Variants in UBN2 observed in about 807,000 individuals in gnomAD.
UBN2 encodes the protein ubinuclein-2.
Under a neutral mutation model 120.2 loss-of-function variants are expected in UBN2, and 35 were observed. That is an observed-to-expected ratio of 0.29 (90% CI 0.22 to 0.39). The LOEUF (loss-of-function observed/expected upper bound fraction) is 0.39. Among genes scored for constraint, UBN2 ranks in the 10% least tolerant of loss-of-function variants. The pLI is 1.00. For missense variants in UBN2, 1,693 were observed against 1,663.2 expected, an observed-to-expected ratio of 1.02 and a Z score of -0.31; for synonymous variants, 661 against 648.7, an observed-to-expected ratio of 1.02 and a Z score of -0.29.
intron 6 of UBN2, among the ~76,000 whole-genome samples, chr7:139,263,646 C>T (rs924217117): frequency 2.0e-5 from 3 of 151,458 alleles, no homozygotes; most frequent in Admixed American, 1.3e-4. Flanking sequence ...TGGTGGCAGG[C>T]GCCTGTAATC....
intron 2 of UBN2, among the ~76,000 whole-genome samples, chr7:139,243,916 G>A (rs1035329194): frequency 3.9e-5 from 6 of 152,208 alleles, no homozygotes; most frequent in African/African-American, 1.4e-4. Flanking sequence ...CCCACAGTGG[G>A]ACTGGAAAGT....
intron 15 of UBN2, among the ~76,000 whole-genome samples, chr7:139,286,625 TATTTC>T (rs1041182707): frequency 1.2e-4 from 18 of 152,226 alleles, no homozygotes; most frequent in African/African-American, 4.3e-4. Context: ...TTTTGTATAA[TATTTC>T]GTTTTATAAC....
rs1288705293 is a variant in UBN2, at chr7:139,231,792, C to T, written c.308C>T (p.Pro103Leu). 9.3e-6 allele frequency: 13 copies of T among 1,403,348 alleles called. No individual in the cohort carries two copies. The highest frequency in any genetic ancestry group is 1.2e-5 in the Non-Finnish European group (13 of 1,077,680). The allele number at this position is 1,403,348 out of a possible 1,614,324, so 86.9% of individuals were successfully genotyped here. ...PEPPPPFPPL[P>L]LQPPPPRESA... ...CCGCCGCCGCCGTTCCCGCCGCTGCCCTTGCAGCCGCCCCCGCCGCGGGAG... is the reference window on the plus strand; with the variant it reads ...CCGCCGCCGCCGTTCCCGCCGCTGCTCTTGCAGCCGCCCCCGCCGCGGGAG... Residue 103 changes from proline (P) to leucine (L), a missense_variant, in exon 1 of 18, where the codon CCC (proline) becomes CTC (leucine). Transcript: ENST00000473989.
chr7:139,232,296 T>G (rs1409761034), intron 1 of UBN2, among the ~76,000 whole-genome samples: 1 of 152,256 alleles, frequency 6.6e-6, no homozygotes, highest in Admixed American at 6.5e-5. Flanking sequence ...GCAGGCCGTG[T>G]GGCTGGGTTC....
rs1182183862 is a variant in UBN2 at position 139,299,740 on chromosome 7, G to A, written c.*1904G>A. 1 of 152,138 alleles carries A rather than the reference G, an allele frequency of 6.6e-6. No individual in the cohort carries two copies. Among genetic ancestry groups the A allele is most frequent in the Non-Finnish European group, 1.5e-5 (1 of 68,010 alleles). 9.4% of individuals were successfully genotyped at this position (152,138 alleles called of 1,614,324 possible). ...GGTTTGACTTGAATTCAGTATGTTT[G>A]ATGAAGATTTGCTTGGTTTCAATTA... On this transcript the variant is annotated 3_prime_UTR_variant, in exon 18 of 18. Coordinates refer to ENST00000473989, the MANE Select transcript of UBN2 (RefSeq NM_173569.4).
chr7:139,293,636 G>A (rs1005862293), intron 16 of UBN2, 173 bp downstream of exon 16: 2 of 652,036 alleles, frequency 3.1e-6, no homozygotes, highest in South Asian at 2.1e-5. Flanking sequence ...GGACACTGGG[G>A]TTTTATATAC....
At chr7:139,253,877 C>G (rs913050644) in intron 3 of UBN2, among the ~76,000 whole-genome samples, 1 of 152,140 alleles carries the variant, frequency 6.6e-6, no homozygotes, top group African/African-American at 2.4e-5. Context: ...TATATTATGT[C>G]TTTTTTCCTG....
In UBN2 at chr7:139,266,376, C is replaced by T; in HGVS notation, c.1439C>T (p.Thr480Ile). 1.3e-6 allele frequency: 2 copies of T among 1,570,718 alleles called. No homozygotes were observed. Among genetic ancestry groups the T allele is most frequent in the Non-Finnish European group, 1.7e-6 (2 of 1,150,274 alleles). Reference sequence around the variant, plus strand: ...GAAGAAGGAAGGAAAAAATTCTTTACACAGGATATGAATAATATTCTTCTG... The same window carrying T: ...GAAGAAGGAAGGAAAAAATTCTTTATACAGGATATGAATAATATTCTTCTG... ...FDEEGRKKFF[T>I]QDMNNILLDI... The change falls in exon 7 of 18, where the codon ACA (threonine) becomes ATA (isoleucine). Residue 480 changes from threonine to isoleucine, a missense_variant. Physicochemically the swap from Thr to Ile is moderately conservative, Grantham distance 89. Transcript: ENST00000473989.
Position 139,285,614 on chromosome 7 carries a change from A to T in UBN2, c.3669+1040A>T, listed in dbSNP as rs192636752. Among the ~76,000 whole-genome samples, 615 of 152,312 alleles carry T rather than the reference A, an allele frequency of 4.0e-3. 2 individuals carry two copies. The highest frequency in any genetic ancestry group is 7.2e-3 in the Non-Finnish European group (492 of 68,024). ...TTGTCATTAATTGTATACCTAGAAC[A>T]TAGTAATAGCTTTCCATCTCAGAAC... On this transcript the variant is annotated intron_variant, in intron 15 of 17. Coordinates refer to ENST00000473989, the MANE Select transcript of UBN2 (RefSeq NM_173569.4).
the UBN2 span, among the ~76,000 whole-genome samples, chr7:139,314,138 G>A: frequency 8.8e-3 from 1,316 of 149,092 alleles, 23 homozygotes; most frequent in African/African-American, 0.031. Context: ...GTGAGTCACC[G>A]CACCTGGCCC....
At chr7:139,310,328 A>G (rs544352947), downstream of UBN2, among the ~76,000 whole-genome samples, 3 of 151,896 alleles carry the variant, frequency 2.0e-5, no homozygotes, top group African/African-American at 4.8e-5. Context: ...AAAAAGTTAT[A>G]TTTGGTAGGG....
chr7:139,246,735 C>T (rs1796480007), intron 2 of UBN2, among the ~76,000 whole-genome samples: 1 of 152,186 alleles, frequency 6.6e-6, no homozygotes, highest in Non-Finnish European at 1.5e-5. Context: ...CTCTGGCATC[C>T]TCTGATCTGG....
intron 2 of UBN2, among the ~76,000 whole-genome samples, chr7:139,239,141 C>T (rs1043166772): frequency 9.8e-5 from 15 of 152,290 alleles, no homozygotes; most frequent in Non-Finnish European, 1.5e-5. Context: ...AGATACATCT[C>T]TATACATACA....
chr7:139,297,312 T>G (rs542154287), intron 17 of UBN2, among the ~76,000 whole-genome samples: 1 of 152,140 alleles, frequency 6.6e-6, no homozygotes, highest in Non-Finnish European at 1.5e-5. Context: ...ATGAAAAGTT[T>G]GCTACGTTTG....
the UBN2 span, among the ~76,000 whole-genome samples, chr7:139,318,254 C>A: frequency 6.6e-6 from 1 of 152,160 alleles, no homozygotes; most frequent in Admixed American, 6.5e-5. Context: ...TAGTCAGGGG[C>A]ATGGGCAAGT....
At chr7:139,323,788 C>T in the UBN2 span, among the ~76,000 whole-genome samples, 2 of 151,904 alleles carry the variant, frequency 1.3e-5, no homozygotes, top group African/African-American at 2.4e-5. Context: ...TGGGGTTTCA[C>T]CATGTTGGCC....
chr7:139,233,798 T>G (rs1434307496), intron 1 of UBN2, among the ~76,000 whole-genome samples: 2 of 152,240 alleles, frequency 1.3e-5, no homozygotes, highest in East Asian at 3.9e-4. Flanking sequence ...AAGAAAAAGG[T>G]TTGACACCCT....
chr7:139,297,966 T>G lies in UBN2; in HGVS notation c.*130T>G, dbSNP rs1273685192. The G allele has an allele frequency of 3.0e-6, 3 of 996,124 alleles. No homozygotes were observed. The highest frequency in any genetic ancestry group is 4.5e-6 in the Non-Finnish European group (3 of 665,498). 61.7% of individuals were successfully genotyped at this position (996,124 alleles called of 1,614,324 possible). On this transcript the variant is annotated 3_prime_UTR_variant, in exon 18 of 18. Coordinates refer to ENST00000473989, the MANE Select transcript of UBN2 (RefSeq NM_173569.4). ...CATTCTCTCGTCCCAAGCACTGTGG[T>G]GAGGAGGAAAAAGAAAAGAAAACAT... is the stretch of plus-strand genomic sequence containing the variant.
rs144415780 is a variant in UBN2, at chr7:139,259,730, G to A, written c.905+360G>A. Among the ~76,000 whole-genome samples, 1,074 of 152,224 alleles carry A rather than the reference G, an allele frequency of 7.1e-3. 7 individuals carry two copies. Among genetic ancestry groups the A allele is most frequent in the Non-Finnish European group, 0.012 (788 of 68,012 alleles). Reference sequence around the variant, plus strand: ...GTAGCCTATATGTAAACAATTTATGGTTGTTTTAATATTAAAAATTTTGAT... The same window carrying A: ...GTAGCCTATATGTAAACAATTTATGATTGTTTTAATATTAAAAATTTTGAT... On this transcript the variant is annotated intron_variant, in intron 5 of 17. Coordinates refer to ENST00000473989, the MANE Select transcript of UBN2 (RefSeq NM_173569.4).
Sources: allele counts gnomAD v4.1 joint callset (sites outside exome capture counted in the v4.1 genomes callset), GRCh38; gene constraint gnomAD v4.1.1; transcripts MANE v1.5; gene names NCBI Gene and HGNC (gene_info 2026-07-23, HGNC 2026-07-21).